ZC3H12B: variants seen among roughly 807,000 people sequenced by gnomAD.
The protein encoded by ZC3H12B is zinc finger CCCH-type containing 12B.
A neutral mutation model predicts 43.9 loss-of-function variants in ZC3H12B; 7 were observed. The observed-to-expected ratio is 0.16, with a 90% CI of 0.09 to 0.30. The LOEUF is 0.30. Among genes scored for constraint, ZC3H12B ranks in the 10% least tolerant of loss-of-function variants. ZC3H12B has a pLI of 1.00. For synonymous variants in ZC3H12B, 222 were observed against 241.7 expected, an observed-to-expected ratio of 0.92 and a Z score of 0.76; for missense variants, 475 against 670.2, an observed-to-expected ratio of 0.71 and a Z score of 3.22.
the ZC3H12B span, among the ~76,000 whole-genome samples, chrX:65,354,694 C>T: frequency 9.0e-6 from 1 of 111,435 alleles, no homozygotes; most frequent in East Asian, 2.8e-4. Context: ...TAACCCAATT[C>T]AAGGAAGCTA....
At chrX:65,130,289 G>T in the ZC3H12B span, among the ~76,000 whole-genome samples, 1 of 111,063 alleles carries the variant, frequency 9.0e-6, no homozygotes, top group Non-Finnish European at 1.9e-5. Flanking sequence ...TATTAAAAGT[G>T]GGCCCGTTAT....
chrX:65,106,805 C>T, the ZC3H12B span, among the ~76,000 whole-genome samples: 2 of 111,575 alleles, frequency 1.8e-5, no homozygotes, highest in African/African-American at 6.5e-5. Context: ...TACCACACTA[C>T]AGTCAGTGTC....
At chrX:65,280,854 C>G in the ZC3H12B span, among the ~76,000 whole-genome samples, 1 of 111,444 alleles carries the variant, frequency 9.0e-6, no homozygotes, top group South Asian at 3.7e-4. Context: ...ACATGGACAA[C>G]TATAAAACTT....
chrX:65,139,461 A>C, the ZC3H12B span, among the ~76,000 whole-genome samples: 2 of 111,881 alleles, frequency 1.8e-5, no homozygotes, highest in Non-Finnish European at 3.8e-5. Context: ...TTTTAATGCC[A>C]GTAGCATGCT....
chrX:65,153,690 C>G, the ZC3H12B span, among the ~76,000 whole-genome samples: 70 of 111,981 alleles, frequency 6.3e-4, 4 homozygotes, highest in Non-Finnish European at 9.4e-5. Context: ...CAGGGATCTA[C>G]AACTAGAAAT....
intron 2 of ZC3H12B, among the ~76,000 whole-genome samples, chrX:65,392,298 G>A (rs1404925841): frequency 5.5e-5 from 6 of 109,845 alleles, no homozygotes; most frequent in East Asian, 5.9e-4. Flanking sequence ...CTTCCCGGCC[G>A]TCATCCCTTC....
chrX:65,188,206 C>T, the ZC3H12B span, among the ~76,000 whole-genome samples: 3 of 111,213 alleles, frequency 2.7e-5, no homozygotes, highest in Non-Finnish European at 3.8e-5. Flanking sequence ...ATCTATTCAT[C>T]TGTTGATGGA....
the ZC3H12B span, among the ~76,000 whole-genome samples, chrX:65,161,534 T>C: frequency 4.0e-4 from 45 of 111,897 alleles, no homozygotes; most frequent in African/African-American, 1.4e-3. Context: ...CTTTGTCTCT[T>C]TTGATCTTTG....
At chrX:65,412,559 C>T (rs1357218182) in intron 3 of ZC3H12B, among the ~76,000 whole-genome samples, 1 of 111,455 alleles carries the variant, frequency 9.0e-6, no homozygotes, top group South Asian at 3.8e-4. Context: ...CCTTGACCTC[C>T]GGGGCTCAAT....
the ZC3H12B span, among the ~76,000 whole-genome samples, chrX:65,289,573 A>T: frequency 0.01 from 1,108 of 109,358 alleles, 3 homozygotes; most frequent in Middle Eastern, 0.019. Flanking sequence ...TTTTATATTC[A>T]TAATATCTAA....
the ZC3H12B span, among the ~76,000 whole-genome samples, chrX:65,179,424 A>G: frequency 2.9e-4 from 32 of 110,447 alleles, no homozygotes; most frequent in African/African-American, 9.6e-4. Flanking sequence ...AAAAAGATCT[A>G]AAAAAGGGCT....
At chrX:65,141,827 G>A in the ZC3H12B span, among the ~76,000 whole-genome samples, 3 of 111,523 alleles carry the variant, frequency 2.7e-5, no homozygotes, top group Admixed American at 1.9e-4. Context: ...CATCCAGGTC[G>A]CTGTGAATGC....
the ZC3H12B span, among the ~76,000 whole-genome samples, chrX:65,144,628 G>A: frequency 4.5e-5 from 5 of 111,396 alleles, no homozygotes; most frequent in South Asian, 3.7e-4. Context: ...TTTTCTCTTA[G>A]CACTGCCTTT....
the ZC3H12B span, among the ~76,000 whole-genome samples, chrX:65,100,573 A>AC: frequency 1.0e-5 from 1 of 96,541 alleles, no homozygotes; most frequent in East Asian, 3.2e-4. Context: ...AAGCAAAAAA[A>AC]AAAAAAAAAA....
At chrX:65,466,982 G>A (rs1226371092) in intron 3 of ZC3H12B, among the ~76,000 whole-genome samples, 1 of 63,865 alleles carries the variant, frequency 1.6e-5, no homozygotes, top group Admixed American at 2.1e-4. Flanking sequence ...AGTTTTCTTG[G>A]TACAGGTGTT....
At chrX:65,153,384 C>G in the ZC3H12B span, among the ~76,000 whole-genome samples, 13 of 111,471 alleles carry the variant, frequency 1.2e-4, no homozygotes, top group East Asian at 3.4e-3. Context: ...AACAAATTTA[C>G]AAGAAAAAAA....
chrX:65,461,214 T>C (rs2067740054), intron 3 of ZC3H12B, among the ~76,000 whole-genome samples: 1 of 111,906 alleles, frequency 8.9e-6, no homozygotes, highest in African/African-American at 3.3e-5. Flanking sequence ...CAACAGGTGC[T>C]GGAGAGGATG....
At chrX:65,163,095 C>T in the ZC3H12B span, among the ~76,000 whole-genome samples, 10 of 110,936 alleles carry the variant, frequency 9.0e-5, 1 homozygote, top group African/African-American at 1.6e-4. Flanking sequence ...TTTTGTGAAC[C>T]GTGAATGCTG....
chrX:65,375,715 A>G (rs1255943430), intron 2 of ZC3H12B, among the ~76,000 whole-genome samples: 3 of 111,103 alleles, frequency 2.7e-5, no homozygotes, highest in Non-Finnish European at 5.7e-5. Flanking sequence ...CACCACCTTG[A>G]AGGAAACGAC....
Sources: allele counts gnomAD v4.1 joint callset (sites outside exome capture counted in the v4.1 genomes callset), GRCh38; gene constraint gnomAD v4.1.1; transcripts MANE v1.5; gene names NCBI Gene and HGNC (gene_info 2026-07-23, HGNC 2026-07-21).